Variants in SLC39A11 observed in about 807,000 individuals in gnomAD.
SLC39A11 encodes the protein solute carrier family 39 member 11.
A neutral mutation model predicts 36.1 loss-of-function variants in SLC39A11; 33 were observed. The ratio of observed to expected loss-of-function variants is 0.91; its 90% confidence interval spans 0.69 to 1.22. SLC39A11 has a LOEUF of 1.22. Ranked by LOEUF, SLC39A11 falls within the 50% of genes most tolerant of loss-of-function variation. The pLI, the probability that SLC39A11 is intolerant of heterozygous loss-of-function variation, is 0.00. For synonymous variants in SLC39A11, 166 were observed against 170.3 expected (o/e 0.97, Z 0.20); for missense variants, 432 against 430.3 (o/e 1.00, Z -0.03).
chr17:72,754,640 C>G (rs1460327076), intron 6 of SLC39A11, among the ~76,000 whole-genome samples: 1 of 152,084 alleles, frequency 6.6e-6, no homozygotes, highest in African/African-American at 2.4e-5. Flanking sequence ...GTGGCTCCCT[C>G]CTAAGCAGAA....
At chr17:73,062,410 T>C (rs4969008) in intron 3 of SLC39A11, among the ~76,000 whole-genome samples, 121,890 of 146,274 alleles carry the variant, frequency 0.83, 50,982 homozygotes, top group East Asian at 0.94. Context: ...TACAGTGAGC[T>C]AAGATTGCAC....
intron 6 of SLC39A11, among the ~76,000 whole-genome samples, chr17:72,824,792 G>A (rs1412482147): frequency 6.6e-6 from 1 of 151,184 alleles, no homozygotes; most frequent in African/African-American, 2.4e-5. Flanking sequence ...ATTTGAGAGT[G>A]ATAAATTAGG....
chr17:72,750,610 C>T (rs2144313061), intron 6 of SLC39A11, among the ~76,000 whole-genome samples: 1 of 152,000 alleles, frequency 6.6e-6, no homozygotes. Context: ...TTTATCACTC[C>T]CCACATGTGA....
chr17:72,732,298 G>A (rs1390701198), intron 7 of SLC39A11, among the ~76,000 whole-genome samples: 4 of 152,054 alleles, frequency 2.6e-5, no homozygotes, highest in African/African-American at 9.7e-5. Flanking sequence ...ATAGGCGTGA[G>A]CCACGGCACC....
At chr17:72,844,968 C>T (rs527247138) in intron 6 of SLC39A11, among the ~76,000 whole-genome samples, 1 of 152,314 alleles carries the variant, frequency 6.6e-6, no homozygotes, top group Admixed American at 6.5e-5. Context: ...TCATATCCCA[C>T]ATCCAATCCA....
chr17:72,728,833 C>T (rs1396435771), intron 7 of SLC39A11, among the ~76,000 whole-genome samples: 3 of 152,136 alleles, frequency 2.0e-5, no homozygotes, highest in African/African-American at 4.8e-5. Flanking sequence ...CTCCACGGCA[C>T]GAGATTAACC....
At chr17:72,678,196 T>G (rs2071357227) in intron 7 of SLC39A11, among the ~76,000 whole-genome samples, 1 of 152,240 alleles carries the variant, frequency 6.6e-6, no homozygotes. Flanking sequence ...AAAAGCCCAT[T>G]TAACTCAAGT....
chr17:73,019,086 C>T (rs141850776), intron 4 of SLC39A11, among the ~76,000 whole-genome samples: 344 of 152,208 alleles, frequency 2.3e-3, no homozygotes, highest in East Asian at 0.018. Context: ...CCAGTGAAAA[C>T]ATTCTTCAAA....
Position 72,910,048 on chromosome 17 carries a change from G to A in SLC39A11, c.430+37704C>T, listed in dbSNP as rs576206307. Among the ~76,000 whole-genome samples, 11 of 151,518 alleles carry A rather than the reference G, an allele frequency of 7.3e-5. No homozygotes were observed. In the South Asian group the frequency reaches 1.3e-3, roughly 18 times the overall value. ...ATTACAGGTGTGAGCCACCGCACCC[G>A]GCCTCCTCAACTTTCTATAGCAGTT... is the stretch of plus-strand genomic sequence containing the variant. On this transcript the variant is annotated intron_variant, in intron 5 of 9. Transcript: ENST00000255559.
At chr17:72,769,497 A>T (rs1330325071) in intron 6 of SLC39A11, among the ~76,000 whole-genome samples, 1 of 151,934 alleles carries the variant, frequency 6.6e-6, no homozygotes, top group Non-Finnish European at 1.5e-5. Context: ...CCCGCCTCCC[A>T]TTCTATTCAA....
At chr17:72,681,315 G>A (rs564573957) in intron 7 of SLC39A11, among the ~76,000 whole-genome samples, 11 of 152,316 alleles carry the variant, frequency 7.2e-5, no homozygotes, top group African/African-American at 2.6e-4. Flanking sequence ...AGGATTTCAT[G>A]CTTAGGAGCA....
chr17:73,084,030 T>C (rs1020775155), intron 3 of SLC39A11, among the ~76,000 whole-genome samples: 1 of 152,134 alleles, frequency 6.6e-6, no homozygotes, highest in Non-Finnish European at 1.5e-5. Flanking sequence ...CCCAAGAAGT[T>C]TTGGGGAGGA....
chr17:72,764,680 G>A (rs1214966756), intron 6 of SLC39A11, among the ~76,000 whole-genome samples: 4 of 152,176 alleles, frequency 2.6e-5, no homozygotes, highest in Admixed American at 6.5e-5. Context: ...CACAGGCCAT[G>A]TTATCGAAGT....
At chr17:72,837,279 A>T (rs899567673) in intron 6 of SLC39A11, among the ~76,000 whole-genome samples, 3 of 149,952 alleles carry the variant, frequency 2.0e-5, no homozygotes, top group African/African-American at 7.4e-5. Flanking sequence ...TCAAAAAACA[A>T]CTTTATTTTT....
At chr17:72,881,155 G>A (rs1170570600) in intron 5 of SLC39A11, among the ~76,000 whole-genome samples, 1 of 151,868 alleles carries the variant, frequency 6.6e-6, no homozygotes, top group African/African-American at 2.4e-5. Context: ...TTCACTCCTT[G>A]GTATTTATCC....
intron 5 of SLC39A11, among the ~76,000 whole-genome samples, chr17:72,933,182 G>T (rs1366446163): frequency 6.6e-6 from 1 of 152,154 alleles, no homozygotes; most frequent in Non-Finnish European, 1.5e-5. Context: ...AAATTCCAAG[G>T]AATCTACCAA....
intron 6 of SLC39A11, among the ~76,000 whole-genome samples, chr17:72,828,983 C>A (rs16977405): frequency 0.061 from 9,332 of 152,228 alleles, 313 homozygotes; most frequent in African/African-American, 0.086. Context: ...CGTGAAAGCA[C>A]ATTTCTATTT....
intron 5 of SLC39A11, among the ~76,000 whole-genome samples, chr17:72,862,670 G>A (rs1016659285): frequency 2.6e-5 from 4 of 152,144 alleles, no homozygotes; most frequent in African/African-American, 9.7e-5. Context: ...ATGTCTTGCT[G>A]AAAAATGAAG....
chr17:72,675,213 G>T (rs184968747), intron 7 of SLC39A11, among the ~76,000 whole-genome samples: 14 of 152,272 alleles, frequency 9.2e-5, no homozygotes, highest in Non-Finnish European at 8.8e-5. Flanking sequence ...GCCTTTGGGA[G>T]GTCACTAGGT....
Sources: gnomAD v4.1 joint callset for allele counts (sites outside exome capture counted in the v4.1 genomes callset) on GRCh38, gnomAD v4.1.1 for gene constraint, MANE v1.5 for transcripts, NCBI Gene and HGNC (gene_info 2026-07-23, HGNC 2026-07-21) for gene names.